RYK: variants seen among roughly 807,000 people sequenced by gnomAD.
RYK encodes the protein receptor like tyrosine kinase.
In RYK, 21 loss-of-function variants were observed where a neutral mutation model predicts 70.2. That is an observed-to-expected ratio of 0.30 (90% CI 0.21 to 0.43). The LOEUF (loss-of-function observed/expected upper bound fraction) is 0.43. RYK is among the 20% of genes least tolerant of loss of function. The probability of loss-of-function intolerance (pLI) is 1.00; values close to 1 mark genes in which losing one functional copy is unlikely to be tolerated. For synonymous variants in RYK, 267 were observed against 278.0 expected (o/e 0.96, Z 0.39); for missense variants, 604 against 753.3 (o/e 0.80, Z 2.32).
chr3:134,199,206 G>C (rs2013909264), intron 6 of RYK, among the ~76,000 whole-genome samples: 1 of 152,244 alleles, frequency 6.6e-6, no homozygotes, highest in Admixed American at 6.5e-5. Context: ...ATCTCAGGCA[G>C]TGTTAATTCT....
chr3:134,240,877 T>C (rs2015304932), intron 1 of RYK, among the ~76,000 whole-genome samples: 1 of 152,274 alleles, frequency 6.6e-6, no homozygotes, highest in Admixed American at 6.5e-5. Context: ...GTAACCTTGC[T>C]ATTGCTCTTA....
At position 134,157,873 on chromosome 3, in the gene RYK, A is replaced by C. The variant is rs2012303123; in HGVS notation, c.*280T>G. ...AAAAACTGTTTATTTATTTTGTAAG[A>C]ATGTACCCCTAGTCCAAAGTAAGTA... On this transcript the variant is annotated 3_prime_UTR_variant, in exon 15 of 15. Transcript: ENST00000623711. The C allele has an allele frequency of 3.6e-6, 1 of 279,036 alleles. No individual in the cohort carries two copies. Among genetic ancestry groups the C allele is most frequent in the African/African-American group, 2.2e-5 (1 of 45,890 alleles). 17.3% of individuals were successfully genotyped at this position (279,036 alleles called of 1,614,324 possible).
At chr3:134,187,721 C>CTT (rs77809666) in intron 9 of RYK, among the ~76,000 whole-genome samples, 13 of 136,916 alleles carry the variant, frequency 9.5e-5, no homozygotes, top group African/African-American at 1.3e-4. Flanking sequence ...CACCCAGCTA[C>CTT]TTTTTTTTTT....
chr3:134,168,176 C>A (rs1351620530), intron 13 of RYK, among the ~76,000 whole-genome samples: 3 of 152,212 alleles, frequency 2.0e-5, no homozygotes, highest in Non-Finnish European at 4.4e-5. Flanking sequence ...GTTGGTGGGA[C>A]TGTAAACTAG....
intron 3 of RYK, 76 bp downstream of exon 3, chr3:134,211,432 T>C: frequency 1.1e-6 from 1 of 946,370 alleles, no homozygotes; most frequent in Non-Finnish European, 1.6e-6. Flanking sequence ...TACACATCAG[T>C]AAACTTCTGT....
At chr3:134,180,732 G>C (rs533909804) in intron 10 of RYK, 3 of 152,310 alleles carry the variant, frequency 2.0e-5, no homozygotes, top group South Asian at 4.1e-4. Flanking sequence ...ACAATGAATG[G>C]AAAGAATAAT....
rs1437424688 is a variant in RYK at position 134,226,303 on chromosome 3, A to G, written c.233-3764T>C. Among the ~76,000 whole-genome samples the G allele has an allele frequency of 2.0e-5, 3 of 152,240 alleles. No individual in the cohort carries two copies. In the East Asian group the frequency reaches 5.8e-4, roughly 29 times the overall value. The stretch of plus-strand genomic sequence containing the variant: ...TCAACAAATTAGATGAAACAGAAGC[A>G]CCCTTTAAAAACATAATTTACCAAA... On this transcript the variant is annotated intron_variant, in intron 1 of 14. Coordinates refer to ENST00000623711, the MANE Select transcript of RYK (RefSeq NM_002958.4).
At chr3:134,187,842 G>A (rs901879866) in intron 9 of RYK, among the ~76,000 whole-genome samples, 2 of 150,840 alleles carry the variant, frequency 1.3e-5, no homozygotes, top group Non-Finnish European at 2.9e-5. Flanking sequence ...TTACAATTGT[G>A]AGCCACTGCA....
intron 2 of RYK, among the ~76,000 whole-genome samples, chr3:134,219,145 A>C (rs1023181583): frequency 2.0e-5 from 3 of 152,138 alleles, no homozygotes; most frequent in Non-Finnish European, 4.4e-5. Context: ...CAGCTATACC[A>C]AGGCTTCTCC....
intron 8 of RYK, among the ~76,000 whole-genome samples, chr3:134,190,486 TAA>T (rs2013610108): frequency 6.6e-6 from 1 of 152,104 alleles, no homozygotes; most frequent in South Asian, 2.1e-4. Context: ...ACCAGCAATG[TAA>T]AAGAGCATGT....
chr3:134,200,396 A>G (rs1034666375), intron 6 of RYK, among the ~76,000 whole-genome samples: 1 of 152,092 alleles, frequency 6.6e-6, no homozygotes, highest in South Asian at 2.1e-4. Context: ...TGAGACCATG[A>G]ACCCACCAGA....
chr3:134,216,140 G>A (rs1266122136), intron 2 of RYK, among the ~76,000 whole-genome samples: 1 of 151,880 alleles, frequency 6.6e-6, no homozygotes, highest in Admixed American at 6.6e-5. Flanking sequence ...AAACATTTTT[G>A]CTTATGTTCC....
intron 2 of RYK, among the ~76,000 whole-genome samples, chr3:134,217,570 A>G (rs1397663401): frequency 6.6e-6 from 1 of 152,236 alleles, no homozygotes; most frequent in Admixed American, 6.5e-5. Context: ...GTATCAAGTG[A>G]CAGAGATCCT....
At chr3:134,250,242 G>A (rs2015576965) in intron 1 of RYK, among the ~76,000 whole-genome samples, 181 bp downstream of exon 1, 1 of 152,110 alleles carries the variant, frequency 6.6e-6, no homozygotes, top group Admixed American at 6.5e-5. Flanking sequence ...TGGGGACCGG[G>A]CAGGGACCAC....
At chr3:134,240,796 C>T (rs1221221158) in intron 1 of RYK, among the ~76,000 whole-genome samples, 2 of 152,138 alleles carry the variant, frequency 1.3e-5, no homozygotes, top group Non-Finnish European at 2.9e-5. Context: ...AGGGAAAGGG[C>T]CTAAGGCTTT....
chr3:134,218,001 AAACATC>A (rs1196842008), intron 2 of RYK, among the ~76,000 whole-genome samples: 3 of 152,332 alleles, frequency 2.0e-5, no homozygotes, highest in Admixed American at 6.5e-5. Context: ...TTTACTAAAA[AAACATC>A]GTAAGACGGT....
chr3:134,236,507 G>A (rs569311960), intron 1 of RYK, among the ~76,000 whole-genome samples: 1 of 152,242 alleles, frequency 6.6e-6, no homozygotes, highest in African/African-American at 2.4e-5. Flanking sequence ...CTACCCAAGT[G>A]AGCTACAGAT....
intron 1 of RYK, among the ~76,000 whole-genome samples, chr3:134,248,420 A>G (rs1002632898): frequency 1.1e-4 from 17 of 152,226 alleles, no homozygotes; most frequent in Non-Finnish European, 5.9e-5. Flanking sequence ...CTAATTAGCA[A>G]TGATTTATTT....
In RYK at chr3:134,171,248, T is replaced by C. The variant is rs114130678; in HGVS notation, c.1575+4361A>G. The stretch of plus-strand genomic sequence containing the variant: ...ATTCTGATGATGGCAGATTCTTACA[T>C]AAAATGTGTGAACTCCTGCAAAATG... On this transcript the variant is annotated intron_variant, in intron 13 of 14. Coordinates refer to ENST00000623711, the MANE Select transcript of RYK (RefSeq NM_002958.4). Among the ~76,000 whole-genome samples the C allele has an allele frequency of 3.2e-3, 480 of 152,306 alleles. 1 individual carries two copies. Among genetic ancestry groups the C allele is most frequent in the African/African-American group, 0.011 (446 of 41,574 alleles).
Sources: gnomAD v4.1 joint callset for allele counts (sites outside exome capture counted in the v4.1 genomes callset) on GRCh38, gnomAD v4.1.1 for gene constraint, MANE v1.5 for transcripts, NCBI Gene and HGNC (gene_info 2026-07-23, HGNC 2026-07-21) for gene names.